Variants in KANK2 observed in about 807,000 individuals in gnomAD.
KANK2 encodes KN motif and ankyrin repeat domains 2.
In KANK2, 41 loss-of-function variants were observed where a neutral mutation model predicts 74.6. The ratio of observed to expected loss-of-function variants is 0.55; its 90% CI spans 0.43 to 0.71. The LOEUF (loss-of-function observed/expected upper bound fraction) is 0.71, where lower values mean the gene tolerates loss of function less well. Among genes scored for constraint, KANK2 ranks in the 30% least tolerant of loss-of-function variants. The probability of loss-of-function intolerance (pLI) is 0.00; values close to 1 mark genes in which losing one functional copy is unlikely to be tolerated. For missense variants in KANK2, 1,148 were observed against 1,196.4 expected, an observed-to-expected ratio of 0.96 and a Z score of 0.60; for synonymous variants, 537 against 519.0, an observed-to-expected ratio of 1.03 and a Z score of -0.47.
chr19:11,174,111 A>G (rs442363), intron 9 of KANK2, among the ~76,000 whole-genome samples: 107,807 of 150,704 alleles, frequency 0.72, 38,973 homozygotes, highest in African/African-American at 0.81. Flanking sequence ...CCACATCCCC[A>G]CCACAATGAA....
rs1272327353 is a variant in KANK2, at chr19:11,178,639, G to A, written c.1331C>T (p.Thr444Ile). The A allele has an allele frequency of 6.3e-7, 1 of 1,587,558 alleles. No individual in the cohort carries two copies. The highest frequency in any genetic ancestry group is 1.1e-5 in the South Asian group (1 of 87,268). Residue 444 changes from threonine to isoleucine, a missense_variant, in exon 5 of 13, where the codon ACA becomes ATA. By Grantham distance (89) the Thr-to-Ile change is moderately conservative. Coordinates refer to ENST00000586659, the MANE Select transcript of KANK2 (RefSeq NM_001136191.3). The stretch of plus-strand genomic sequence containing the variant: ...GGGCTCCTGGGTGGGCACTCGGCCT[G>A]TGCTCTTCTCAGGCTGTGTAAGGGA... Reference protein sequence around the residue: ...VASLTQPEKSTGRVPTQEPTH... With the variant: ...VASLTQPEKSIGRVPTQEPTH...
chr19:11,173,239 C>A (rs777595303), intron 9 of KANK2, 116 bp from the exon 10 acceptor site: 41 of 1,075,506 alleles, frequency 3.8e-5, no homozygotes, highest in Non-Finnish European at 5.2e-5. Flanking sequence ...CCTCCCTTTT[C>A]TCAGAGGACC....
In KANK2 at chr19:11,174,687, C is replaced by T. The variant is rs760302912; in HGVS notation, c.1854G>A (p.Val618=). Residue 618 remains valine, a synonymous_variant, in exon 9 of 13, where the codon GTG becomes GTA. Transcript: ENST00000586659. ...PNALTERELK[V]AYTTVLQEWL... is the part of the protein sequence containing the mutation. Reference sequence around the variant, plus strand: ...ACTCCTGCAGCACTGTGGTGTAGGCCACTTTCTGCATGCGAGTCAGGTGGG... The same window carrying T: ...ACTCCTGCAGCACTGTGGTGTAGGCTACTTTCTGCATGCGAGTCAGGTGGG... The T allele has an allele frequency of 2.7e-5, 43 of 1,598,672 alleles. No individual in the cohort carries two copies. The Admixed American group carries it at 7.2e-4, about 27-fold the overall frequency.
intron 4 of KANK2, among the ~76,000 whole-genome samples, chr19:11,181,371 T>C: frequency 6.6e-6 from 1 of 151,638 alleles, no homozygotes; most frequent in Non-Finnish European, 1.5e-5. Flanking sequence ...CTCAGCCTCC[T>C]GAATAGTTGG....
At chr19:11,189,429 C>T (rs2078773055) in intron 4 of KANK2, among the ~76,000 whole-genome samples, 1 of 151,480 alleles carries the variant, frequency 6.6e-6, no homozygotes, top group African/African-American at 2.4e-5. Context: ...CATGGTGAAA[C>T]CCCATCTCTA....
intron 4 of KANK2, among the ~76,000 whole-genome samples, chr19:11,190,210 A>G (rs890918060): frequency 1.3e-5 from 2 of 151,890 alleles, no homozygotes; most frequent in African/African-American, 2.4e-5. Flanking sequence ...CCTCGGCCCA[A>G]TGCAACCTCC....
chr19:11,173,993 G>GC (rs1006334953), intron 9 of KANK2, among the ~76,000 whole-genome samples: 11 of 148,928 alleles, frequency 7.4e-5, no homozygotes, highest in East Asian at 2.0e-4. Context: ...GGAGGGTGGT[G>GC]CCCCCCCCAT....
At position 11,176,584 on chromosome 19, in the gene KANK2, T is replaced by G; in HGVS notation, c.1754A>C (p.Glu585Ala). 6.3e-7 allele frequency: 1 copy of G among 1,581,540 alleles called. No individual in the cohort carries two copies. Among genetic ancestry groups the G allele is most frequent in the Non-Finnish European group, 8.6e-7 (1 of 1,160,716 alleles). The change falls in exon 7 of 13, where the codon GAG becomes GCG. Residue 585 changes from glutamate (E) to alanine (A), a missense_variant. Physicochemically the swap from Glu to Ala is moderately radical, Grantham distance 107 (BLOSUM62 -1). Transcript: ENST00000586659. ...TCCTACCCAGAAAACTGACCTGATCTCCTCCTCCGTGTTTGATCCTGATGC... is the reference window on the plus strand; with the variant it reads ...TCCTACCCAGAAAACTGACCTGATCGCCTCCTCCGTGTTTGATCCTGATGC... The part of the protein sequence containing the change: ...EGASGSNTEE[E>A]IRMELSPDLI...
chr19:11,169,753 A>G, intron 12 of KANK2, 124 bp downstream of exon 12: 1 of 772,996 alleles, frequency 1.3e-6, no homozygotes, highest in East Asian at 2.7e-5. Context: ...ATGAGCCCAG[A>G]TCGTGCCACC....
chr19:11,169,908 A>G lies in KANK2; in HGVS notation c.2471T>C (p.Met824Thr). 6.2e-7 allele frequency: 1 copy of G among 1,614,166 alleles called. No homozygotes were observed. The highest frequency in any genetic ancestry group is 8.5e-7 in the Non-Finnish European group (1 of 1,180,016). The change falls in exon 12 of 13, where the codon ATG becomes ACG. Residue 824 changes from methionine (M) to threonine (T), a missense_variant. By Grantham distance (81) the Met-to-Thr change is moderately conservative. Coordinates refer to ENST00000586659, the MANE Select transcript of KANK2 (RefSeq NM_001136191.3). ...LDAGQSEIASMLYSRMNIKCS... is the reference protein window; with the variant it reads ...LDAGQSEIASTLYSRMNIKCS... ...CTTGATGTTCATGCGGGAATACAGCATGGACGCAATCTCACTCTGCCCTGC... is the reference window on the plus strand; with the variant it reads ...CTTGATGTTCATGCGGGAATACAGCGTGGACGCAATCTCACTCTGCCCTGC...
intron 5 of KANK2, 42 bp from the exon 6 acceptor site, chr19:11,178,489 G>A (rs1325025003): frequency 6.2e-7 from 1 of 1,600,818 alleles, no homozygotes; most frequent in Non-Finnish European, 8.5e-7. Context: ...AGTCCTTCAG[G>A]GCCAGACTCC....
chr19:11,188,262 G>A (rs1369630164), intron 4 of KANK2, among the ~76,000 whole-genome samples: 1 of 151,390 alleles, frequency 6.6e-6, no homozygotes, highest in Non-Finnish European at 1.5e-5. Flanking sequence ...AGGCTGGAGT[G>A]CAGCAATGCG....
intron 4 of KANK2, among the ~76,000 whole-genome samples, chr19:11,189,678 C>T (rs948801793): frequency 6.9e-6 from 1 of 145,518 alleles, no homozygotes; most frequent in African/African-American, 2.6e-5. Context: ...TTGGCTCAAG[C>T]AAGGCAGAGA....
At position 11,164,710 on chromosome 19, in the gene KANK2, TCATCCATCCATC is replaced by T. The variant is rs142958187; in HGVS notation, c.*1836_*1847del. The T allele has an allele frequency of 0.017, 1,710 of 99,856 alleles. 31 individuals carry two copies. The highest frequency in any genetic ancestry group is 0.06 in the African/African-American group (1,518 of 25,132). The allele number at this position is 99,856 out of a possible 1,614,324, so 6.2% of individuals were successfully genotyped here. On this transcript the variant is annotated 3_prime_UTR_variant, in exon 13 of 13. Coordinates refer to ENST00000586659, the MANE Select transcript of KANK2 (RefSeq NM_001136191.3). ...TTACATGCAAACACCATCTATCTAT[TCATCCATCCATC>T]CATCCATCCATCCATCCATCCATCC...
Position 11,170,079 on chromosome 19 carries a change from A to C in KANK2, c.2381T>G (p.Val794Gly). ...HKEIAGLLLA[V>G]PSCDISLTDR... ...TGTGAGTGAGATGTCACAGCTGGGC[A>C]CGGCCAGCAGCAGCCCCGCGATCTC... The change falls in exon 11 of 13, where the codon GTG (valine) becomes GGG (glycine). Residue 794 changes from valine (V) to glycine (G), a missense_variant. Physicochemically the swap from Val to Gly is moderately radical, Grantham distance 109. Coordinates refer to ENST00000586659, the MANE Select transcript of KANK2 (RefSeq NM_001136191.3). The surrounding 1 kb of genome is among the most constrained non-coding windows in gnomAD (Gnocchi z 5.2). 1 of 1,613,758 alleles carries C rather than the reference A, an allele frequency of 6.2e-7. No homozygotes were observed. The highest frequency in any genetic ancestry group is 8.5e-7 in the Non-Finnish European group (1 of 1,179,844).
At chr19:11,187,284 A>G (rs1366449497) in intron 4 of KANK2, among the ~76,000 whole-genome samples, 1 of 152,120 alleles carries the variant, frequency 6.6e-6, no homozygotes, top group Non-Finnish European at 1.5e-5. Flanking sequence ...AAAAAAAGAA[A>G]ATAAAAAGTG....
chr19:11,166,600 C>CGAG lies in KANK2; in HGVS notation c.2513_2514insCTC (p.Met838delinsIleSer). On this transcript the variant is annotated protein_altering_variant, in exon 13 of 13. Coordinates refer to ENST00000586659, the MANE Select transcript of KANK2 (RefSeq NM_001136191.3). ...ATGATGTAGGGCTCTCGTCATCTGA[C>CGAG]ATTGGGGCAAACTGAAACAGAGAAG... The CGAG allele has an allele frequency of 6.2e-7, 1 of 1,614,200 alleles. No homozygotes were observed. The highest frequency in any genetic ancestry group is 1.1e-5 in the South Asian group (1 of 91,084).
In KANK2 at chr19:11,170,122, A is replaced by T. The variant is rs1400693258; in HGVS notation, c.2338T>A (p.Cys780Ser). 6.2e-7 allele frequency: 1 copy of T among 1,613,224 alleles called. No individual in the cohort carries two copies. Among genetic ancestry groups the T allele is most frequent in the East Asian group, 2.2e-5 (1 of 44,890 alleles). Residue 780 changes from cysteine (C) to serine (S), a missense_variant, in exon 11 of 13, where the codon TGT becomes AGT. Coordinates refer to ENST00000586659, the MANE Select transcript of KANK2 (RefSeq NM_001136191.3). The surrounding 1 kb of genome is among the most constrained non-coding windows in gnomAD (Gnocchi z 5.2). ...DDGSTALMCA[C>S]EHGHKEIAGL... Reference sequence around the variant, plus strand: ...GCGATCTCCTTGTGGCCGTGCTCACAGGCGCACATGAGGGCCGTGGAGCCG... The same window carrying T: ...GCGATCTCCTTGTGGCCGTGCTCACTGGCGCACATGAGGGCCGTGGAGCCG...
At chr19:11,191,572 C>T (rs1400700970) in intron 4 of KANK2, among the ~76,000 whole-genome samples, 1 of 152,230 alleles carries the variant, frequency 6.6e-6, no homozygotes, top group East Asian at 1.9e-4. Flanking sequence ...GCAATGGGCA[C>T]ATGACCCAGG....
Sources: gnomAD v4.1 joint callset for allele counts (sites outside exome capture counted in the v4.1 genomes callset) on GRCh38, gnomAD v4.1.1 for gene constraint, Gnocchi (gnomAD v3.1) non-coding constraint, MANE v1.5 for transcripts, NCBI Gene and HGNC (gene_info 2026-07-23, HGNC 2026-07-21) for gene names.